Variants in BZW2 observed in about 807,000 individuals in gnomAD.
BZW2 encodes eIF5-mimic protein 1.
BZW2 carries 23 observed loss-of-function variants against 53.2 expected under a neutral mutation model. The ratio of observed to expected loss-of-function variants is 0.43; its 90% CI spans 0.31 to 0.61. The LOEUF (loss-of-function observed/expected upper bound fraction) is 0.61. Among genes scored for constraint, BZW2 ranks in the 20% least tolerant of loss-of-function variants. The pLI, the probability that BZW2 is intolerant of heterozygous loss-of-function variation, is 0.09. For missense variants in BZW2, 409 were observed against 503.1 expected (o/e 0.81, Z 1.79); for synonymous variants, 227 against 186.4 (o/e 1.22, Z -1.77).
chr7:16,669,827 T>G (rs547968141), intron 2 of BZW2, among the ~76,000 whole-genome samples: 12 of 152,338 alleles, frequency 7.9e-5, no homozygotes, highest in African/African-American at 2.9e-4. Flanking sequence ...ACAGTTTAAA[T>G]TGGAGACCCT....
intron 1 of BZW2, among the ~76,000 whole-genome samples, chr7:16,656,832 A>G (rs146670861): frequency 2.0e-3 from 298 of 152,284 alleles, no homozygotes; most frequent in African/African-American, 6.4e-3. Flanking sequence ...TGAATGGGTT[A>G]TTAGCTATTA....
At chr7:16,667,498 C>A (rs1187638765) in intron 2 of BZW2, among the ~76,000 whole-genome samples, 1 of 152,126 alleles carries the variant, frequency 6.6e-6, no homozygotes, top group East Asian at 1.9e-4. Flanking sequence ...ACTTTATATG[C>A]CTTTGGCAGT....
chr7:16,687,727 A>G lies in BZW2; in HGVS notation c.541+1687A>G, dbSNP rs192628310. Among the ~76,000 whole-genome samples, 638 of 152,272 alleles carry G rather than the reference A, an allele frequency of 4.2e-3. 7 individuals carry two copies. The highest frequency in any genetic ancestry group is 0.014 in the African/African-American group (592 of 41,562). On this transcript the variant is annotated intron_variant, in intron 6 of 11. Transcript: ENST00000258761. ...CAGAGAAAGACTATCTAAAATAAAA[A>G]AAAAGAAATAAAGAAAATGGTTAAG...
At chr7:16,678,967 C>T (rs1278111559) in intron 3 of BZW2, among the ~76,000 whole-genome samples, 1 of 151,846 alleles carries the variant, frequency 6.6e-6, no homozygotes, top group Non-Finnish European at 1.5e-5. Context: ...CAGATGGGGG[C>T]AGAGCAAGAT....
intron 1 of BZW2, among the ~76,000 whole-genome samples, chr7:16,647,112 G>A (rs1461969534): frequency 2.0e-5 from 3 of 152,152 alleles, no homozygotes. Flanking sequence ...AAATACAAGT[G>A]TGTATTTCAG....
At chr7:16,654,721 T>C (rs1375302381) in intron 1 of BZW2, among the ~76,000 whole-genome samples, 1 of 150,064 alleles carries the variant, frequency 6.7e-6, no homozygotes, top group African/African-American at 2.5e-5. Flanking sequence ...TTTTTTTTAG[T>C]GGATACACGG....
At chr7:16,648,944 A>C (rs1003231740) in intron 1 of BZW2, among the ~76,000 whole-genome samples, 2 of 152,158 alleles carry the variant, frequency 1.3e-5, no homozygotes, top group African/African-American at 4.8e-5. Context: ...ATGCTAGTAA[A>C]TACATTTATT....
At chr7:16,665,282 G>C (rs1012037492) in intron 1 of BZW2, among the ~76,000 whole-genome samples, 155 bp from the exon 2 acceptor site, 9 of 151,808 alleles carry the variant, frequency 5.9e-5, no homozygotes, top group African/African-American at 2.2e-4. Context: ...CTCCCACCTG[G>C]GCGACAGCGA....
In BZW2 at chr7:16,656,552, C is replaced by T. The variant is rs947488918; in HGVS notation, c.-7-8885C>T. Among the ~76,000 whole-genome samples the T allele has an allele frequency of 2.0e-4, 23 of 115,500 alleles. 1 individual carries two copies. Among genetic ancestry groups the T allele is most frequent in the Admixed American group, 1.5e-3 (14 of 9,608 alleles). 75.8% of individuals were successfully genotyped at this position (115,500 alleles called of 152,430 possible). On this transcript the variant is annotated intron_variant, in intron 1 of 11. Coordinates refer to ENST00000258761, the MANE Select transcript of BZW2 (RefSeq NM_014038.3). ...ATCATCAAGCACTCCCCAGCGCGCG[C>T]GCGCACACACACACACACACACACA... is the stretch of plus-strand genomic sequence containing the variant.
chr7:16,684,023 C>G (rs1339024703), intron 5 of BZW2, among the ~76,000 whole-genome samples: 1 of 152,142 alleles, frequency 6.6e-6, no homozygotes, highest in Admixed American at 6.5e-5. Context: ...ATATATAAAG[C>G]TATATGTATG....
chr7:16,698,275 G>A, intron 10 of BZW2, 89 bp downstream of exon 10: 1 of 1,531,316 alleles, frequency 6.5e-7, no homozygotes, highest in South Asian at 1.2e-5. Flanking sequence ...GGAGGTCATG[G>A]GGCTCTGTTT....
chr7:16,686,003 C>T lies in BZW2; in HGVS notation c.504C>T (p.Ile168=). 2 of 1,609,752 alleles carry T rather than the reference C, an allele frequency of 1.2e-6. No individual in the cohort carries two copies. The highest frequency in any genetic ancestry group is 1.7e-6 in the Non-Finnish European group (2 of 1,178,556). The part of the protein sequence containing the change: ...LLGNGTLPAT[I]LTSLFTDSLV... ...GCAATGGCACCCTGCCCGCCACCATCCTCACCAGTCTCTTCACCGACAGCT... is the reference window on the plus strand; with the variant it reads ...GCAATGGCACCCTGCCCGCCACCATTCTCACCAGTCTCTTCACCGACAGCT... The change falls in exon 6 of 12, where the codon ATC becomes ATT. Residue 168 remains isoleucine, a synonymous_variant. Coordinates refer to ENST00000258761, the MANE Select transcript of BZW2 (RefSeq NM_014038.3).
intron 10 of BZW2, among the ~76,000 whole-genome samples, chr7:16,701,462 C>T (rs1440950016): frequency 6.6e-6 from 1 of 152,054 alleles, no homozygotes; most frequent in African/African-American, 2.4e-5. Context: ...GGTGAGTGCC[C>T]TTCTCAGCAT....
At chr7:16,692,570 G>A (rs1170554420) in intron 7 of BZW2, among the ~76,000 whole-genome samples, 1 of 152,022 alleles carries the variant, frequency 6.6e-6, no homozygotes, top group South Asian at 2.1e-4. Context: ...CAAGACCAGC[G>A]TGACCAACAT....
At chr7:16,654,802 G>A (rs573184187) in intron 1 of BZW2, among the ~76,000 whole-genome samples, 25 of 151,870 alleles carry the variant, frequency 1.6e-4, no homozygotes, top group African/African-American at 5.1e-4. Flanking sequence ...GCCTCCCAAA[G>A]TGCTGGGATT....
intron 1 of BZW2, among the ~76,000 whole-genome samples, chr7:16,649,465 G>A (rs1463008467): frequency 6.6e-6 from 1 of 152,200 alleles, no homozygotes; most frequent in Non-Finnish European, 1.5e-5. Flanking sequence ...TCTGATGAAT[G>A]CTATCAACCA....
chr7:16,685,861 T>C (rs1354444696), intron 5 of BZW2, 44 bp from the exon 6 acceptor site: 1 of 1,475,976 alleles, frequency 6.8e-7, no homozygotes, highest in Non-Finnish European at 8.9e-7. Context: ...TTCCTTTTTT[T>C]TTCTTTTTCT....
At chr7:16,695,298 C>G (rs1179427234) in intron 8 of BZW2, among the ~76,000 whole-genome samples, 1 of 152,220 alleles carries the variant, frequency 6.6e-6, no homozygotes, top group Non-Finnish European at 1.5e-5. Flanking sequence ...ATTTGACCAT[C>G]CACTATCAGT....
chr7:16,662,176 C>T (rs1248608931), intron 1 of BZW2: 4 of 152,092 alleles, frequency 2.6e-5, no homozygotes, highest in South Asian at 2.1e-4. Flanking sequence ...AGTGGGGCCT[C>T]TGCTCCAAAT....
Sources: gnomAD v4.1 joint callset for allele counts (sites outside exome capture counted in the v4.1 genomes callset) on GRCh38, gnomAD v4.1.1 for gene constraint, MANE v1.5 for transcripts, NCBI Gene and HGNC (gene_info 2026-07-23, HGNC 2026-07-21) for gene names.